Variants in FANCM observed in about 807,000 individuals in gnomAD.
FANCM encodes FA complementation group M, also known as Fanconi anemia group M protein.
A neutral mutation model predicts 199.5 loss-of-function variants in FANCM; 140 were observed. The observed-to-expected ratio is 0.70, with a 90% confidence interval of 0.61 to 0.81. The LOEUF is 0.81. Among genes scored for constraint, FANCM ranks in the 30% least tolerant of loss-of-function variants. FANCM has a pLI of 0.00. For missense variants in FANCM, 2,410 were observed against 2,421.4 expected (o/e 1.00, Z 0.10); for synonymous variants, 840 against 836.8 (o/e 1.00, Z -0.07).
intron 14 of FANCM, among the ~76,000 whole-genome samples, chr14:45,180,238 T>C (rs1230224912): frequency 6.6e-6 from 1 of 152,188 alleles, no homozygotes; most frequent in South Asian, 2.1e-4. Flanking sequence ...AAATGTGGCT[T>C]AGCTGAGTGG....
rs771710368 is a variant in FANCM, at chr14:45,198,696, TACC to T, written c.5770_5772del (p.Thr1924del). 6.2e-6 allele frequency: 10 copies of T among 1,613,754 alleles called. No homozygotes were observed. The highest frequency in any genetic ancestry group is 8.5e-6 in the Non-Finnish European group (10 of 1,179,670). ...CAAAGAGCTATGACAGCCTGCTGAC[TACC>T]TTAATTGGCGCTGGAATCCGAATTC... On this transcript the variant is annotated inframe_deletion, in exon 22 of 23. Coordinates refer to ENST00000267430, the MANE Select transcript of FANCM (RefSeq NM_020937.4).
chr14:45,192,015 C>T (rs758898915), intron 20 of FANCM, among the ~76,000 whole-genome samples: 6 of 151,828 alleles, frequency 4.0e-5, no homozygotes, highest in Non-Finnish European at 8.8e-5. Context: ...GGGCCATTTC[C>T]TCCTTCATTA....
In FANCM at chr14:45,196,167, T is replaced by G; in HGVS notation, c.5341-5T>G. On this transcript the variant is annotated splice_region_variant and splice_polypyrimidine_tract_variant and intron_variant, in intron 20 of 22. Transcript: ENST00000267430. ...GAATGTGACCAGTGTTTTCCACTTT[T>G]TCAGGATGGTAGTGCTTTGGAGGAT... The G allele has an allele frequency of 6.2e-7, 1 of 1,614,132 alleles. No homozygotes were observed.
In FANCM at chr14:45,153,872, A is replaced by G. The variant is rs1886992820; in HGVS notation, c.1051-48A>G. 4.6e-6 allele frequency: 7 copies of G among 1,505,810 alleles called. 1 individual carries two copies. The South Asian group carries it at 7.9e-5, about 17-fold the overall frequency. The allele number at this position is 1,505,810 out of a possible 1,614,324, so 93.3% of individuals were successfully genotyped here. ...CTGACAACTTGGGCATGGAGCATGT[A>G]TGTTCATTTATTTCTCTGGTTAAAT... On this transcript the variant is annotated intron_variant, in intron 5 of 22. Transcript: ENST00000267430.
At chr14:45,171,959 A>G (rs1308708091) in intron 12 of FANCM, among the ~76,000 whole-genome samples, 2 of 152,100 alleles carry the variant, frequency 1.3e-5, no homozygotes, top group Non-Finnish European at 2.9e-5. Flanking sequence ...TAGCTGTACT[A>G]ATTTACACTC....
At chr14:45,166,321 T>C (rs1317865818) in intron 10 of FANCM, among the ~76,000 whole-genome samples, 4 of 151,652 alleles carry the variant, frequency 2.6e-5, no homozygotes, top group African/African-American at 2.4e-5. Flanking sequence ...GTATTTTCAG[T>C]AGAGACGAGG....
intron 9 of FANCM, among the ~76,000 whole-genome samples, chr14:45,160,635 C>T (rs1887536057): frequency 6.6e-6 from 1 of 151,726 alleles, no homozygotes; most frequent in Admixed American, 6.6e-5. Context: ...AGCTCCGCCT[C>T]CCGGGTTCAC....
At chr14:45,136,779 T>A (rs1486119185) in intron 1 of FANCM, among the ~76,000 whole-genome samples, 1 of 152,240 alleles carries the variant, frequency 6.6e-6, no homozygotes, top group Non-Finnish European at 1.5e-5. Flanking sequence ...AACATGATAT[T>A]TCCTGGCATT....
chr14:45,184,554 C>T (rs1404010964), intron 17 of FANCM, among the ~76,000 whole-genome samples: 17 of 150,160 alleles, frequency 1.1e-4, no homozygotes, highest in African/African-American at 3.2e-4. Flanking sequence ...CCCAGCTACT[C>T]GGGAGGCTGA....
At chr14:45,178,083 A>T (rs1238324042) in intron 14 of FANCM, among the ~76,000 whole-genome samples, 1 of 152,206 alleles carries the variant, frequency 6.6e-6, no homozygotes, top group African/African-American at 2.4e-5. Context: ...AAGCTGAATA[A>T]AAAGTAGCTG....
intron 13 of FANCM, among the ~76,000 whole-genome samples, chr14:45,174,378 C>A (rs1357642164): frequency 6.8e-6 from 1 of 147,278 alleles, no homozygotes; most frequent in Non-Finnish European, 1.5e-5. Flanking sequence ...CAGAGCGAGA[C>A]TTTGTCTAAA....
intron 4 of FANCM, among the ~76,000 whole-genome samples, chr14:45,149,373 C>T (rs139013667): frequency 3.3e-5 from 5 of 152,114 alleles, no homozygotes; most frequent in East Asian, 1.9e-4. Context: ...TGCACACACC[C>T]GTAACATGAA....
At chr14:45,156,286 A>G (rs1293304376) in intron 8 of FANCM, among the ~76,000 whole-genome samples, 3 of 152,220 alleles carry the variant, frequency 2.0e-5, no homozygotes, top group Non-Finnish European at 4.4e-5. Flanking sequence ...GATTGAGGCT[A>G]CAAGTATGAC....
chr14:45,193,390 T>C (rs1306256849), intron 20 of FANCM, among the ~76,000 whole-genome samples: 10 of 152,252 alleles, frequency 6.6e-5, no homozygotes, highest in Non-Finnish European at 1.5e-4. Context: ...TAGTGCTCCC[T>C]CCCACCAGGC....
Position 45,151,512 on chromosome 14 carries a change from C to G in FANCM, c.1034C>G (p.Pro345Arg). The G allele has an allele frequency of 6.2e-7, 1 of 1,612,140 alleles. No homozygotes were observed. Among genetic ancestry groups the G allele is most frequent in the Non-Finnish European group, 8.5e-7 (1 of 1,178,348 alleles). ...GCAAGAGATCAGTTTAGGAAAAACC[C>G]ATCTCCGAATATTGTGGTAGGTATT... ...ILARDQFRKN[P>R]SPNIVGIQQG... Residue 345 changes from proline to arginine, a missense_variant, in exon 5 of 23, where the codon CCA (proline) becomes CGA (arginine). Coordinates refer to ENST00000267430, the MANE Select transcript of FANCM (RefSeq NM_020937.4).
rs1193398969 is a variant in FANCM, at chr14:45,189,293, G to C, written c.5271G>C (p.Gln1757His). The C allele has an allele frequency of 6.2e-7, 1 of 1,613,902 alleles. No homozygotes were observed. Among genetic ancestry groups the C allele is most frequent in the South Asian group, 1.1e-5 (1 of 91,080 alleles). Residue 1757 changes from glutamine (Q) to histidine (H), a missense_variant, in exon 20 of 23, where the codon CAG becomes CAC. Gln to His is a conservative substitution (Grantham distance 24). Coordinates refer to ENST00000267430, the MANE Select transcript of FANCM (RefSeq NM_020937.4). ...AACCTCAGAATCATAATGAAGTCCA[G>C]TCTACCACACCACCCTTCACTACTG... ...DFKPQNHNEVQSTTPPFTTVD... is the reference protein window; with the variant it reads ...DFKPQNHNEVHSTTPPFTTVD...
intron 8 of FANCM, among the ~76,000 whole-genome samples, chr14:45,157,379 G>T (rs1020293447): frequency 3.9e-5 from 6 of 152,124 alleles, no homozygotes; most frequent in African/African-American, 1.4e-4. Flanking sequence ...TACAGAGGAG[G>T]GTCCAGAATG....
chr14:45,160,571 G>A (rs1887530537), intron 9 of FANCM, among the ~76,000 whole-genome samples: 2 of 148,964 alleles, frequency 1.3e-5, no homozygotes, highest in Non-Finnish European at 3.0e-5. Context: ...TTGAGACGGA[G>A]TCTCGCTCTG....
At chr14:45,182,311 T>C (rs1889123780) in intron 16 of FANCM, among the ~76,000 whole-genome samples, 1 of 152,142 alleles carries the variant, frequency 6.6e-6, no homozygotes, top group Non-Finnish European at 1.5e-5. Context: ...TGTTATTAGA[T>C]TGTAAAAACA....
Sources: allele counts gnomAD v4.1 joint callset (sites outside exome capture counted in the v4.1 genomes callset), GRCh38; gene constraint gnomAD v4.1.1; transcripts MANE v1.5; gene names NCBI Gene and HGNC (gene_info 2026-07-23, HGNC 2026-07-21).